Variants in SLC38A6 observed in about 807,000 individuals in gnomAD.
SLC38A6 encodes N system amino acid transporter NAT-1.
Under a neutral mutation model 65.0 loss-of-function variants are expected in SLC38A6, and 73 were observed. That is an observed-to-expected ratio of 1.12 (90% CI 0.93 to 1.37). The LOEUF is 1.37. Among genes scored for constraint, SLC38A6 ranks in the 40% most tolerant of loss-of-function variants. SLC38A6 has a pLI of 0.00. For synonymous variants in SLC38A6, 183 were observed against 178.8 expected, an observed-to-expected ratio of 1.02 and a Z score of -0.19; for missense variants, 561 against 531.1, an observed-to-expected ratio of 1.06 and a Z score of -0.55.
intron 9 of SLC38A6, 32 bp from the exon 10 acceptor site, chr14:61,043,418 T>C: frequency 6.5e-7 from 1 of 1,530,490 alleles, no homozygotes; most frequent in Non-Finnish European, 8.9e-7. Flanking sequence ...TGGCTGTTGG[T>C]TTCTCTTTTT....
intron 3 of SLC38A6, among the ~76,000 whole-genome samples, chr14:61,005,438 G>A (rs1421788944): frequency 7.0e-5 from 10 of 143,214 alleles, no homozygotes; most frequent in South Asian, 2.4e-4. Flanking sequence ...AAACCCCATT[G>A]TCTCAGCCCA....
At chr14:61,026,014 A>G (rs2040591357) in intron 5 of SLC38A6, among the ~76,000 whole-genome samples, 1 of 152,180 alleles carries the variant, frequency 6.6e-6, no homozygotes, top group East Asian at 1.9e-4. Flanking sequence ...AGTGCTGAAA[A>G]CCTAATTCTG....
At chr14:61,075,062 T>G (rs1441898798) in intron 15 of SLC38A6, among the ~76,000 whole-genome samples, 1 of 152,138 alleles carries the variant, frequency 6.6e-6, no homozygotes, top group African/African-American at 2.4e-5. Flanking sequence ...GAGAGATAGC[T>G]AAACCACTCT....
At chr14:61,070,611 T>C (rs1385329259) in intron 15 of SLC38A6, among the ~76,000 whole-genome samples, 1 of 152,198 alleles carries the variant, frequency 6.6e-6, no homozygotes, top group Non-Finnish European at 1.5e-5. Context: ...TAGTTCTATT[T>C]TAAATTTTTT....
At chr14:61,037,187 G>C (rs1594689409) in intron 7 of SLC38A6, 46 bp downstream of exon 7, 1 of 1,382,106 alleles carries the variant, frequency 7.2e-7, no homozygotes. Flanking sequence ...AAGGAAAGAA[G>C]GGAGGGAGGG....
chr14:60,990,555 A>G (rs1337181423), intron 3 of SLC38A6, among the ~76,000 whole-genome samples: 1 of 152,082 alleles, frequency 6.6e-6, no homozygotes, highest in African/African-American at 2.4e-5. Flanking sequence ...TAGGCCAAAG[A>G]TCTTTAAGTT....
At chr14:60,981,568 T>C in intron 1 of SLC38A6, 186 bp downstream of exon 1, 2 of 1,523,742 alleles carry the variant, frequency 1.3e-6, no homozygotes, top group South Asian at 1.2e-5. Flanking sequence ...ATGAACGTGA[T>C]AGCAGCCTAG....
intron 5 of SLC38A6, among the ~76,000 whole-genome samples, chr14:61,021,415 A>G (rs1198175304): frequency 6.6e-6 from 1 of 152,196 alleles, no homozygotes; most frequent in Non-Finnish European, 1.5e-5. Context: ...AGAAATCTAC[A>G]GAGAAGCTGT....
rs182331895 is a variant in SLC38A6 at position 61,032,204 on chromosome 14, G to T, written c.482+1681G>T. Reference sequence around the variant, plus strand: ...TAATATAACTGTGTTAATTCCAACAGTTGTCACAAGTGTTTTCTTTTTTCT... The same window carrying T: ...TAATATAACTGTGTTAATTCCAACATTTGTCACAAGTGTTTTCTTTTTTCT... On this transcript the variant is annotated intron_variant, in intron 6 of 15. Coordinates refer to ENST00000267488, the MANE Select transcript of SLC38A6 (RefSeq NM_153811.3). Among the ~76,000 whole-genome samples, 6 of 151,976 alleles carry T rather than the reference G, an allele frequency of 3.9e-5. No homozygotes were observed. In the East Asian group the frequency reaches 1.2e-3, roughly 29 times the overall value.
At chr14:61,068,283 A>G (rs1392240703) in intron 15 of SLC38A6, among the ~76,000 whole-genome samples, 2 of 152,100 alleles carry the variant, frequency 1.3e-5, no homozygotes, top group Non-Finnish European at 2.9e-5. Flanking sequence ...CATTCCTGCT[A>G]CCTACAGTCC....
At chr14:61,048,132 G>C (rs2042274733) in intron 12 of SLC38A6, 1 of 454,186 alleles carries the variant, frequency 2.2e-6, no homozygotes, top group Non-Finnish European at 4.4e-6. Flanking sequence ...AAAAACCTTT[G>C]ATCATATCTT....
chr14:61,051,799 G>T lies in SLC38A6; in HGVS notation c.1063G>T (p.Val355Leu). The T allele has an allele frequency of 6.2e-7, 1 of 1,611,726 alleles. No individual in the cohort carries two copies. Residue 355 changes from valine to leucine, a missense_variant, in exon 14 of 16, where the codon GTA becomes TTA. Coordinates refer to ENST00000267488, the MANE Select transcript of SLC38A6 (RefSeq NM_153811.3). ...TTCTGTAATACAGGCCAGAAAAGCT[G>T]TAACAATGATGTTTTTCTCCAATTT... Reference protein sequence around the residue: ...PLIHFPARKAVTMMFFSNFPF... With the variant: ...PLIHFPARKALTMMFFSNFPF...
In SLC38A6 at chr14:60,998,402, A is replaced by G. The variant is rs79755914; in HGVS notation, c.310+13599A>G. Among the ~76,000 whole-genome samples the G allele has an allele frequency of 7.1e-3, 1,076 of 152,192 alleles. 6 individuals carry two copies. The highest frequency in any genetic ancestry group is 0.013 in the Non-Finnish European group (856 of 68,012). On this transcript the variant is annotated intron_variant, in intron 3 of 15. Transcript: ENST00000267488. Reference sequence around the variant, plus strand: ...AGAAGAGAAGGAGTGTTTGAACGTCAAGGAGAGGTCGGTTGGGGACAGCTG... The same window carrying G: ...AGAAGAGAAGGAGTGTTTGAACGTCGAGGAGAGGTCGGTTGGGGACAGCTG...
At chr14:61,052,737 C>T, downstream of SLC38A6, 1 of 174,990 alleles carries the variant, frequency 5.7e-6, no homozygotes, top group Non-Finnish European at 1.2e-5. Flanking sequence ...CGTTTTACCC[C>T]AACATACAGT....
chr14:61,013,846 C>T (rs991342067), intron 3 of SLC38A6, among the ~76,000 whole-genome samples: 3 of 152,144 alleles, frequency 2.0e-5, no homozygotes, highest in Non-Finnish European at 4.4e-5. Flanking sequence ...TTTGGTGAAT[C>T]TGACAATTAT....
Position 60,993,396 on chromosome 14 carries a change from A to T in SLC38A6, c.310+8593A>T, listed in dbSNP as rs117283440. 1.1e-3 allele frequency among the ~76,000 whole-genome samples: 166 copies of T among 152,308 alleles called. No individual in the cohort carries two copies. The East Asian group carries it at 0.023, about 21-fold the overall frequency. On this transcript the variant is annotated intron_variant, in intron 3 of 15. Transcript: ENST00000267488. ...ACTGTGCTGCCATTTCCCCACTATTATAGGAACCTGGAAGCTTATTTTCTG... is the reference window on the plus strand; with the variant it reads ...ACTGTGCTGCCATTTCCCCACTATTTTAGGAACCTGGAAGCTTATTTTCTG...
chr14:61,010,337 A>G (rs2039463810), intron 3 of SLC38A6, among the ~76,000 whole-genome samples: 2 of 151,916 alleles, frequency 1.3e-5, no homozygotes. Context: ...TTGCCTGTTC[A>G]CTCTGATGGT....
intron 3 of SLC38A6, among the ~76,000 whole-genome samples, chr14:61,011,952 G>C (rs536276978): frequency 6.6e-6 from 1 of 152,204 alleles, no homozygotes; most frequent in African/African-American, 2.4e-5. Context: ...AGTTTCAGAA[G>C]GAATGGTACC....
chr14:61,063,118 GTTTGT>G (rs2042909587), intron 15 of SLC38A6, among the ~76,000 whole-genome samples: 2 of 152,006 alleles, frequency 1.3e-5, no homozygotes, highest in Admixed American at 1.3e-4. Flanking sequence ...TCTTTTGTTT[GTTTGT>G]TTTAAGAAAT....
Sources: gnomAD v4.1 joint callset for allele counts (sites outside exome capture counted in the v4.1 genomes callset) on GRCh38, gnomAD v4.1.1 for gene constraint, MANE v1.5 for transcripts, NCBI Gene and HGNC (gene_info 2026-07-23, HGNC 2026-07-21) for gene names.